The following AFAP1 variants were observed in gnomAD, a reference collection of about 807,000 sequenced individuals.
AFAP1 encodes the protein actin filament associated protein 1.
A neutral mutation model predicts 93.9 loss-of-function variants in AFAP1; 75 were observed. The observed-to-expected ratio is 0.80, with a 90% CI of 0.66 to 0.97. The LOEUF (loss-of-function observed/expected upper bound fraction) is 0.97. Ranked by LOEUF, AFAP1 falls within the 50% of genes least tolerant of loss-of-function variation. AFAP1 has a pLI of 0.00. For synonymous variants in AFAP1, 517 were observed against 430.7 expected (o/e 1.20, Z -2.48); for missense variants, 1,201 against 1,050.8 (o/e 1.14, Z -1.98).
At chr4:7,831,911 T>C (rs1711667944) in intron 6 of AFAP1, among the ~76,000 whole-genome samples, 2 of 151,928 alleles carry the variant, frequency 1.3e-5, no homozygotes, top group Non-Finnish European at 2.9e-5. Flanking sequence ...GTCATAGAAA[T>C]GTGGAATAAA....
chr4:7,885,842 G>C (rs564127745), intron 1 of AFAP1, among the ~76,000 whole-genome samples: 123 of 152,276 alleles, frequency 8.1e-4, no homozygotes, highest in Non-Finnish European at 9.6e-4. Context: ...CGAGCAAGTT[G>C]ATCACCACCT....
chr4:7,865,215 G>A lies in AFAP1; in HGVS notation c.225+3407C>T, dbSNP rs902386310. ...CCTCGGTCCTACATCAAAACACAGT[G>A]ATTTTTATAGCAATTAAGCATGGCT... On this transcript the variant is annotated intron_variant, in intron 3 of 17. Coordinates refer to ENST00000420658, the MANE Select transcript of AFAP1 (RefSeq NM_001134647.2). 7.2e-5 allele frequency among the ~76,000 whole-genome samples: 11 copies of A among 152,124 alleles called. 1 individual carries two copies. The highest frequency in any genetic ancestry group is 7.2e-4 in the Admixed American group (11 of 15,280).
intron 10 of AFAP1, 36 bp downstream of exon 10, chr4:7,800,405 TC>T: frequency 6.2e-7 from 1 of 1,604,092 alleles, no homozygotes; most frequent in Non-Finnish European, 8.5e-7. Context: ...ACCGCGTGTG[TC>T]CCTCTGTGGA....
chr4:7,838,010 T>C (rs1712517635), intron 6 of AFAP1, among the ~76,000 whole-genome samples: 1 of 152,122 alleles, frequency 6.6e-6, no homozygotes, highest in African/African-American at 2.4e-5. Context: ...CCAAGCCTTG[T>C]TTCAACAAAC....
In AFAP1 at chr4:7,885,380, ACAT is replaced by A. The variant is rs1319703696; in HGVS notation, c.-2-13303_-2-13301del. On this transcript the variant is annotated intron_variant, in intron 1 of 17. Transcript: ENST00000420658. The stretch of plus-strand genomic sequence containing the variant: ...TGTGTCCCTGCGTCGTCCCACACAC[ACAT>A]CACTACCACACCTTCCTTCACCTGG... Among the ~76,000 whole-genome samples the A allele has an allele frequency of 3.3e-5, 5 of 152,218 alleles. No individual in the cohort carries two copies. In the East Asian group the frequency reaches 9.7e-4, roughly 29 times the overall value.
chr4:7,834,257 G>A (rs1366198835), intron 6 of AFAP1, among the ~76,000 whole-genome samples: 2 of 152,204 alleles, frequency 1.3e-5, no homozygotes, highest in African/African-American at 4.8e-5. Context: ...AACATTGTAT[G>A]TTCTCACTCA....
At chr4:7,928,296 G>A (rs17177036) in intron 1 of AFAP1, among the ~76,000 whole-genome samples, 46,424 of 152,090 alleles carry the variant, frequency 0.31, 8,429 homozygotes, top group Non-Finnish European at 0.43. Flanking sequence ...TGATTCCTCC[G>A]CTGAGCTAGT....
chr4:7,891,095 A>T (rs28546404), intron 1 of AFAP1, among the ~76,000 whole-genome samples: 18,990 of 152,292 alleles, frequency 0.12, 1,450 homozygotes, highest in Non-Finnish European at 0.18. Flanking sequence ...ACCAAAAAAA[A>T]AAATAAATAA....
In AFAP1 at chr4:7,900,946, G is replaced by A. The variant is rs533043501; in HGVS notation, c.-2-28866C>T. 2.6e-5 allele frequency among the ~76,000 whole-genome samples: 4 copies of A among 152,330 alleles called. No individual in the cohort carries two copies. The East Asian group carries it at 5.8e-4, about 22-fold the overall frequency. ...AGGCAAATTCACTTCTCTTGGTCCT[G>A]TTTCTATGTTCATCAAAAAACAGCT... On this transcript the variant is annotated intron_variant, in intron 1 of 17. Transcript: ENST00000420658.
chr4:7,924,684 TAAAGACA>T (rs1485896009), intron 1 of AFAP1, among the ~76,000 whole-genome samples: 1 of 152,056 alleles, frequency 6.6e-6, no homozygotes, highest in African/African-American at 2.4e-5. Flanking sequence ...ACCATGTGTA[TAAAGACA>T]GAACTCAGAC....
intron 1 of AFAP1, among the ~76,000 whole-genome samples, chr4:7,893,416 T>C (rs1164801652): frequency 1.3e-5 from 2 of 151,632 alleles, no homozygotes; most frequent in African/African-American, 2.4e-5. Flanking sequence ...CCGTCTCTAC[T>C]AAAAAATACA....
intron 6 of AFAP1, among the ~76,000 whole-genome samples, chr4:7,836,451 G>A (rs181741878): frequency 5.9e-5 from 9 of 152,290 alleles, no homozygotes; most frequent in East Asian, 1.9e-4. Context: ...TGGGTATGGC[G>A]TTCTTTGTTT....
chr4:7,869,512 A>C (rs1179330831), intron 2 of AFAP1, among the ~76,000 whole-genome samples: 2 of 152,232 alleles, frequency 1.3e-5, no homozygotes, highest in Non-Finnish European at 2.9e-5. Context: ...ACAAGCTCAC[A>C]TGTCTTGGGC....
chr4:7,793,643 T>C lies in AFAP1; in HGVS notation c.1412+38A>G, dbSNP rs778033320. On this transcript the variant is annotated intron_variant, in intron 11 of 17. Transcript: ENST00000420658. ...GCTAAGTTAGGGAAAAGACAGTTAC[T>C]GAACTGTGGTGCCATTTCACATGGC... 2 of 1,463,584 alleles carry C rather than the reference T, an allele frequency of 1.4e-6. No individual in the cohort carries two copies. The highest frequency in any genetic ancestry group is 1.4e-5 in the African/African-American group (1 of 72,176). The allele number at this position is 1,463,584 out of a possible 1,614,324, so 90.7% of individuals were successfully genotyped here.
intron 1 of AFAP1, among the ~76,000 whole-genome samples, chr4:7,923,008 A>C (rs2149238473): frequency 6.6e-6 from 1 of 152,316 alleles, no homozygotes; most frequent in South Asian, 2.1e-4. Context: ...ATAAAATAAA[A>C]TGAGCAAAAA....
intron 9 of AFAP1, among the ~76,000 whole-genome samples, chr4:7,801,284 G>A (rs560312757): frequency 6.8e-4 from 104 of 152,252 alleles, no homozygotes; most frequent in African/African-American, 2.4e-3. Context: ...ACTGCAAAGC[G>A]ACGGGTGAAG....
chr4:7,778,841 C>T lies in AFAP1; in HGVS notation c.1818G>A (p.Gly606=), dbSNP rs1312956195. 10 of 1,613,972 alleles carry T rather than the reference C, an allele frequency of 6.2e-6. No homozygotes were observed. The Admixed American group carries it at 8.3e-5, about 13-fold the overall frequency. The change falls in exon 14 of 18, where the codon GGG becomes GGA. Residue 606 remains glycine, a synonymous_variant. Coordinates refer to ENST00000420658, the MANE Select transcript of AFAP1 (RefSeq NM_001134647.2). ...TCAGAGTCTTCCCTTTTCCTGTGAC[C>T]CCATTAGACGCCACGGGGGGCTTTT... is the stretch of plus-strand genomic sequence containing the variant. The part of the protein sequence containing the change: ...KGKKPPVASN[G]VTGKGKTLSS...
chr4:7,774,676 G>C, intron 15 of AFAP1, 63 bp downstream of exon 15: 1 of 1,568,818 alleles, frequency 6.4e-7, no homozygotes, highest in African/African-American at 1.4e-5. Flanking sequence ...GGGCAAAGCA[G>C]AATGAAATCT....
At chr4:7,863,260 G>C (rs762953488) in intron 3 of AFAP1, among the ~76,000 whole-genome samples, 3 of 151,968 alleles carry the variant, frequency 2.0e-5, no homozygotes, top group Non-Finnish European at 4.4e-5. Flanking sequence ...CTATTAAAAA[G>C]ACAAAAAAAT....
Sources: gnomAD v4.1 joint callset for allele counts (sites outside exome capture counted in the v4.1 genomes callset) on GRCh38, gnomAD v4.1.1 for gene constraint, MANE v1.5 for transcripts, NCBI Gene and HGNC (gene_info 2026-07-23, HGNC 2026-07-21) for gene names.